The following ANAPC1 variants were observed in gnomAD, a reference collection of about 807,000 sequenced individuals.
ANAPC1 encodes the protein anaphase-promoting complex subunit 1.
ANAPC1 carries 36 observed loss-of-function variants against 208.0 expected under a neutral mutation model. The ratio of observed to expected loss-of-function variants is 0.17; its 90% CI spans 0.13 to 0.23. ANAPC1 has a LOEUF of 0.23. Ranked by LOEUF, ANAPC1 falls within the 10% of genes least tolerant of loss-of-function variation. ANAPC1 has a pLI of 1.00. For missense variants in ANAPC1, 942 were observed against 2,011.6 expected, an observed-to-expected ratio of 0.47 and a Z score of 10.17; for synonymous variants, 378 against 695.2, an observed-to-expected ratio of 0.54 and a Z score of 7.18.
intron 16 of ANAPC1, among the ~76,000 whole-genome samples, chr2:111,844,679 T>A (rs1355171817): frequency 6.6e-6 from 1 of 152,062 alleles, no homozygotes; most frequent in Non-Finnish European, 1.5e-5. Context: ...AATATATGCA[T>A]CCACGAATAG....
At chr2:111,770,947 A>G (rs1474432609) in intron 47 of ANAPC1, 2 of 153,920 alleles carry the variant, frequency 1.3e-5, no homozygotes, top group African/African-American at 4.8e-5. Context: ...TTGATTCAAC[A>G]CTGAATCCTG....
intron 47 of ANAPC1, among the ~76,000 whole-genome samples, chr2:111,771,885 AAATACAATCAGGTGAT>A (rs1291004254): frequency 6.6e-6 from 1 of 151,916 alleles, no homozygotes; most frequent in Non-Finnish European, 1.5e-5. Context: ...ATATTCTGAA[AAATACAATCAGGTGAT>A]AATACTATTA....
At chr2:111,879,067 A>G in intron 2 of ANAPC1, 96 bp from the exon 3 acceptor site, 1 of 980,070 alleles carries the variant, frequency 1.0e-6, no homozygotes, top group East Asian at 2.6e-5. Context: ...GTAAGACTCA[A>G]TTCAAACACA....
downstream of ANAPC1, chr2:111,766,934 C>A (rs139401657): frequency 6.2e-4 from 292 of 470,690 alleles, 1 homozygote; most frequent in African/African-American, 5.3e-3. Context: ...GAAGACTGGG[C>A]GGCACACGGC....
At chr2:111,775,790 T>TA (rs1676976749) in intron 46 of ANAPC1, among the ~76,000 whole-genome samples, 1 of 152,176 alleles carries the variant, frequency 6.6e-6, no homozygotes, top group South Asian at 2.1e-4. Flanking sequence ...GATCAAATGT[T>TA]AAATTGAATA....
chr2:111,871,814 G>A (rs182589081), intron 6 of ANAPC1, among the ~76,000 whole-genome samples: 120 of 152,312 alleles, frequency 7.9e-4, no homozygotes, highest in Non-Finnish European at 1.1e-3. Context: ...CTGTATAGCG[G>A]TGCTATTGAT....
In ANAPC1 at chr2:111,821,409, T is replaced by C. The variant is rs1165673470; in HGVS notation, c.3036A>G (p.Glu1012=). ...DVPSGTETEE[E]DDGMNDMNHE... ...GATTCATGTCATTCATGCCGTCATC[T>C]TCCTCCTCAGTTTCTGTTCCTGAAG... The change falls in exon 26 of 48, where the codon GAA becomes GAG. Residue 1012 remains glutamate, a synonymous_variant. Coordinates refer to ENST00000341068, the MANE Select transcript of ANAPC1 (RefSeq NM_022662.4). 1 of 1,602,358 alleles carries C rather than the reference T, an allele frequency of 6.2e-7. No homozygotes were observed. Among genetic ancestry groups the C allele is most frequent in the African/African-American group, 1.3e-5 (1 of 74,622 alleles).
chr2:111,859,888 G>A (rs1469239459), intron 10 of ANAPC1, among the ~76,000 whole-genome samples: 3 of 152,066 alleles, frequency 2.0e-5, no homozygotes, highest in African/African-American at 4.8e-5. Flanking sequence ...AGTATAGTCC[G>A]TATAGCCTAC....
chr2:111,837,685 A>G lies in ANAPC1; in HGVS notation c.2115+753T>C, dbSNP rs150883102. 5.7e-3 allele frequency among the ~76,000 whole-genome samples: 872 copies of G among 152,294 alleles called. 7 individuals carry two copies. The highest frequency in any genetic ancestry group is 0.02 in the African/African-American group (838 of 41,562). ...GTGTGTCTTTATAGGAGTGTAGGTT[A>G]CATGAGTGTGCATATATTAAAACTG... is the stretch of plus-strand genomic sequence containing the variant. On this transcript the variant is annotated intron_variant, in intron 18 of 47. Transcript: ENST00000341068.
intron 25 of ANAPC1, 171 bp from the exon 26 acceptor site, chr2:111,821,624 A>C (rs1342179818): frequency 1.7e-6 from 1 of 585,338 alleles, no homozygotes; most frequent in East Asian, 2.9e-5. Flanking sequence ...CTAATCTACA[A>C]ATCTTTCTAA....
intron 6 of ANAPC1, among the ~76,000 whole-genome samples, chr2:111,869,368 C>G (rs1480735198): frequency 6.6e-6 from 1 of 151,964 alleles, no homozygotes; most frequent in Non-Finnish European, 1.5e-5. Context: ...CTCAGCCTCC[C>G]GAGTAGCTGG....
chr2:111,852,276 T>A (rs1271516006), intron 13 of ANAPC1, among the ~76,000 whole-genome samples: 2 of 115,572 alleles, frequency 1.7e-5, no homozygotes, highest in Admixed American at 9.2e-5. Flanking sequence ...GACCTAATGA[T>A]GAATTCCCTA....
chr2:111,879,856 A>C (rs2871882), intron 2 of ANAPC1, among the ~76,000 whole-genome samples: 1 of 151,520 alleles, frequency 6.6e-6, no homozygotes, highest in Non-Finnish European at 1.5e-5. Flanking sequence ...TGGGCAACAA[A>C]AGTGAAACTC....
At chr2:111,837,636 A>T (rs1423740542) in intron 18 of ANAPC1, among the ~76,000 whole-genome samples, 2 of 151,966 alleles carry the variant, frequency 1.3e-5, no homozygotes, top group African/African-American at 4.8e-5. Context: ...ACACAAGGAA[A>T]TTTTATGGAG....
chr2:111,870,181 T>C (rs1309576882), intron 6 of ANAPC1, among the ~76,000 whole-genome samples: 2 of 152,252 alleles, frequency 1.3e-5, no homozygotes, highest in African/African-American at 4.8e-5. Context: ...TAAACATACA[T>C]GTGCATGTAT....
chr2:111,770,229 A>G, intron 47 of ANAPC1, among the ~76,000 whole-genome samples: 1 of 106,692 alleles, frequency 9.4e-6, no homozygotes, highest in African/African-American at 3.7e-5. Context: ...ATATATATAT[A>G]AATTCTTTAA....
chr2:111,825,379 G>A (rs969491758), intron 22 of ANAPC1, among the ~76,000 whole-genome samples: 1 of 152,136 alleles, frequency 6.6e-6, no homozygotes, highest in Admixed American at 6.5e-5. Context: ...ACCCAAATCC[G>A]TGCATGCTCA....
chr2:111,827,875 T>C (rs1325224695), intron 21 of ANAPC1, among the ~76,000 whole-genome samples: 1 of 152,154 alleles, frequency 6.6e-6, no homozygotes, highest in Admixed American at 6.5e-5. Flanking sequence ...AAAAATTAAA[T>C]TCATATTTTT....
intron 19 of ANAPC1, among the ~76,000 whole-genome samples, chr2:111,833,683 A>AAAAAAAAAAAAAAAC (rs1374902202): frequency 6.7e-6 from 1 of 148,804 alleles, no homozygotes; most frequent in East Asian, 1.9e-4. Flanking sequence ...AAAATATGTA[A>AAAAAAAAAAAAAAAC]AAAAAAAAAA....
Sources: gnomAD v4.1 joint callset for allele counts (sites outside exome capture counted in the v4.1 genomes callset) on GRCh38, gnomAD v4.1.1 for gene constraint, MANE v1.5 for transcripts, NCBI Gene and HGNC (gene_info 2026-07-23, HGNC 2026-07-21) for gene names.